The following PCDHGA12 variants were observed in gnomAD, a reference collection of about 807,000 sequenced individuals.
PCDHGA12 encodes the protein protocadherin gamma-A12.
A neutral mutation model predicts 61.1 loss-of-function variants in PCDHGA12; 43 were observed. That is an observed-to-expected ratio of 0.70 (90% confidence interval 0.55 to 0.91). The LOEUF is 0.91. PCDHGA12 is among the 40% of genes least tolerant of loss of function. The pLI, the probability that PCDHGA12 is intolerant of heterozygous loss-of-function variation, is 0.00. For synonymous variants in PCDHGA12, 520 were observed against 542.9 expected (o/e 0.96, Z 0.59); for missense variants, 1,236 against 1,227.7 (o/e 1.01, Z -0.10).
At chr5:141,475,910 G>A in intron 1 of PCDHGA12, 1 of 588,414 alleles carries the variant, frequency 1.7e-6, no homozygotes, top group South Asian at 2.3e-5. Context: ...GTCGGCCAAT[G>A]AAGACGCTGG....
chr5:141,438,627 T>TAC (rs2098030812), intron 1 of PCDHGA12, among the ~76,000 whole-genome samples: 3 of 48,012 alleles, frequency 6.2e-5, no homozygotes, highest in Non-Finnish European at 1.0e-4. Flanking sequence ...TATATATATA[T>TAC]ATATATATAC....
At chr5:141,502,708 A>G (rs1172090234) in intron 2 of PCDHGA12, among the ~76,000 whole-genome samples, 1 of 152,204 alleles carries the variant, frequency 6.6e-6, no homozygotes, top group Non-Finnish European at 1.5e-5. Flanking sequence ...CTGTTTTTAC[A>G]TCAGTGATTA....
chr5:141,456,875 A>C (rs2098894225), intron 1 of PCDHGA12, among the ~76,000 whole-genome samples: 1 of 152,190 alleles, frequency 6.6e-6, no homozygotes, highest in African/African-American at 2.4e-5. Context: ...AGGCAGGAGA[A>C]TCGCTTGAAC....
rs1404533394 is a variant in PCDHGA12, at chr5:141,491,708, G to T, written c.2425-3099G>T. ...CTGCGGGAGCGGAGCCAGGTGAGGG[G>T]CTCGGCGCCGCCCCGGGCGACCCCT... On this transcript the variant is annotated intron_variant, in intron 1 of 3. Transcript: ENST00000252085. The surrounding 1 kb of genome is among the most constrained non-coding windows in gnomAD (Gnocchi z 6.9). 1 of 1,610,132 alleles carries T rather than the reference G, an allele frequency of 6.2e-7. No individual in the cohort carries two copies. Among genetic ancestry groups the T allele is most frequent in the Admixed American group, 1.7e-5 (1 of 59,518 alleles).
chr5:141,488,807 C>G (rs2099679535), intron 1 of PCDHGA12, among the ~76,000 whole-genome samples: 1 of 152,170 alleles, frequency 6.6e-6, no homozygotes, highest in Non-Finnish European at 1.5e-5. Flanking sequence ...TGAGTACCAT[C>G]TGAGCTGTCA....
rs1014896576 is a variant in PCDHGA12, at chr5:141,512,427, C to T, written c.*1254C>T. 6.5e-6 allele frequency: 1 copy of T among 152,788 alleles called. No individual in the cohort carries two copies. Among genetic ancestry groups the T allele is most frequent in the African/African-American group, 2.4e-5 (1 of 41,460 alleles). The allele number at this position is 152,788 out of a possible 1,614,324, so 9.5% of individuals were successfully genotyped here. A position where few individuals can be genotyped will look rare whatever the true frequency, so the allele number is the denominator to read the frequency against. On this transcript the variant is annotated 3_prime_UTR_variant, in exon 4 of 4. Transcript: ENST00000252085. ...GGGCTTCTTCAACAGGGCCCCTGCC[C>T]TCCTGAAGCCTCAGTCCTTCACCTT...
rs762433242 is a variant in PCDHGA12, at chr5:141,476,856, C to A, written c.2425-17951C>A. 2.5e-6 allele frequency: 4 copies of A among 1,613,762 alleles called. No individual in the cohort carries two copies. In the East Asian group the frequency reaches 6.7e-5, roughly 27 times the overall value. ...GACAATGCGCCTGTCTTCAACCAGTCCTTGTACCGGGCGCGCGTCCTGGAG... is the reference window on the plus strand; with the variant it reads ...GACAATGCGCCTGTCTTCAACCAGTACTTGTACCGGGCGCGCGTCCTGGAG... On this transcript the variant is annotated intron_variant, in intron 1 of 3. Coordinates refer to ENST00000252085, the MANE Select transcript of PCDHGA12 (RefSeq NM_003735.3). This position sits in a 1 kb window ranked among gnomAD's most constrained non-coding sequence, Gnocchi z 7.6.
At position 141,432,349 on chromosome 5, in the gene PCDHGA12, G is replaced by T; in HGVS notation, c.1590G>T (p.Val530=). The change falls in exon 1 of 4, where the codon GTG becomes GTT. Residue 530 remains valine, a synonymous_variant. Transcript: ENST00000252085. This position sits in a 1 kb window ranked among gnomAD's most constrained non-coding sequence, Gnocchi z 6.0. Reference sequence around the variant, plus strand: ...ACGAGCAGTTCCGAGACTTGCAAGTGAAAGTGATGGCGCGGGACAACGGGC... The same window carrying T: ...ACGAGCAGTTCCGAGACTTGCAAGTTAAAGTGATGGCGCGGGACAACGGGC... ...FDYEQFRDLQ[V]KVMARDNGHP... 4 of 1,614,240 alleles carry T rather than the reference G, an allele frequency of 2.5e-6. No homozygotes were observed. Among genetic ancestry groups the T allele is most frequent in the Non-Finnish European group, 1.7e-6 (2 of 1,180,046 alleles).
intron 2 of PCDHGA12, among the ~76,000 whole-genome samples, chr5:141,505,119 G>A (rs371973470): frequency 3.1e-4 from 47 of 152,210 alleles, no homozygotes; most frequent in African/African-American, 1.0e-3. Flanking sequence ...CCAAGATCGC[G>A]CCACTGCACT....
chr5:141,486,506 A>C lies in PCDHGA12; in HGVS notation c.2425-8301A>C. The C allele has an allele frequency of 6.2e-7, 1 of 1,614,134 alleles. No individual in the cohort carries two copies. The highest frequency in any genetic ancestry group is 8.5e-7 in the Non-Finnish European group (1 of 1,180,006). Reference sequence around the variant, plus strand: ...TACCCACAGAACTATTTTCCTCAATATTTCAGATGTGAATGATAATCCACC... The same window carrying C: ...TACCCACAGAACTATTTTCCTCAATCTTTCAGATGTGAATGATAATCCACC... On this transcript the variant is annotated intron_variant, in intron 1 of 3. Transcript: ENST00000252085. The surrounding 1 kb of genome is among the most constrained non-coding windows in gnomAD (Gnocchi z 5.0).
At chr5:141,492,382 T>C (rs71583650) in intron 1 of PCDHGA12, among the ~76,000 whole-genome samples, 2,103 of 152,322 alleles carry the variant, frequency 0.014, 36 homozygotes, top group African/African-American at 0.031. Flanking sequence ...ACAGGCCTGT[T>C]CCGGTCCACT....
intron 2 of PCDHGA12, among the ~76,000 whole-genome samples, chr5:141,504,369 A>G (rs968327872): frequency 6.6e-5 from 10 of 152,272 alleles, no homozygotes; most frequent in Non-Finnish European, 1.2e-4. Context: ...AGTAGGAAGC[A>G]GGTGGAGTCG....
At chr5:141,475,146 G>A (rs938308425) in intron 1 of PCDHGA12, among the ~76,000 whole-genome samples, 3 of 152,014 alleles carry the variant, frequency 2.0e-5, no homozygotes, top group African/African-American at 4.8e-5. Context: ...AATCTTCTCC[G>A]TCTTCTTCTT....
At chr5:141,495,591 C>G (rs2099762279) in intron 2 of PCDHGA12, among the ~76,000 whole-genome samples, 3 of 152,222 alleles carry the variant, frequency 2.0e-5, no homozygotes, top group African/African-American at 7.2e-5. Context: ...CCATCTCTGT[C>G]TTAGCTTCCG....
chr5:141,431,697 G>T lies in PCDHGA12; in HGVS notation c.938G>T (p.Gly313Val), dbSNP rs1303639699. 6.2e-7 allele frequency: 1 copy of T among 1,614,206 alleles called. No homozygotes were observed. Among genetic ancestry groups the T allele is most frequent in the Admixed American group, 1.7e-5 (1 of 60,024 alleles). Reference protein sequence around the residue: ...TIGELDHEESGFYQMEVQAMD... With the variant: ...TIGELDHEESVFYQMEVQAMD... ...GGGGAGTTGGACCACGAGGAGTCAG[G>T]ATTCTACCAGATGGAAGTGCAAGCA... The change falls in exon 1 of 4, where the codon GGA becomes GTA. Residue 313 changes from glycine (G) to valine (V), a missense_variant. Transcript: ENST00000252085. This position sits in a 1 kb window ranked among gnomAD's most constrained non-coding sequence, Gnocchi z 4.8.
chr5:141,490,981 C>T lies in PCDHGA12; in HGVS notation c.2425-3826C>T. 19 of 1,614,096 alleles carry T rather than the reference C, an allele frequency of 1.2e-5. No homozygotes were observed. The highest frequency in any genetic ancestry group is 1.5e-5 in the Non-Finnish European group (18 of 1,180,018). Reference sequence around the variant, plus strand: ...ACACTCAGCCCCCCAGCGTCTCCCTCGCTCTGCTCCTCCTGGCTCCTTGGT... The same window carrying T: ...ACACTCAGCCCCCCAGCGTCTCCCTTGCTCTGCTCCTCCTGGCTCCTTGGT... On this transcript the variant is annotated intron_variant, in intron 1 of 3. Transcript: ENST00000252085. The surrounding 1 kb of genome is among the most constrained non-coding windows in gnomAD (Gnocchi z 5.4).
intron 1 of PCDHGA12, chr5:141,492,003 T>G: frequency 1.6e-6 from 1 of 626,972 alleles, no homozygotes; most frequent in Non-Finnish European, 2.6e-6. Context: ...TCGGGCGATT[T>G]CCGCGGGTGT....
intron 2 of PCDHGA12, among the ~76,000 whole-genome samples, chr5:141,495,601 G>A (rs1315613802): frequency 3.3e-5 from 5 of 152,004 alleles, no homozygotes; most frequent in South Asian, 2.1e-4. Context: ...CTTAGCTTCC[G>A]TCTTGATTGC....
chr5:141,438,165 G>GA (rs1252266607), intron 1 of PCDHGA12, among the ~76,000 whole-genome samples: 2 of 152,076 alleles, frequency 1.3e-5, no homozygotes, highest in East Asian at 3.8e-4. Flanking sequence ...AAGCTAATTG[G>GA]AAAAAATATT....
Sources: gnomAD v4.1 joint callset for allele counts (sites outside exome capture counted in the v4.1 genomes callset) on GRCh38, gnomAD v4.1.1 for gene constraint, Gnocchi (gnomAD v3.1) non-coding constraint, MANE v1.5 for transcripts, NCBI Gene and HGNC (gene_info 2026-07-23, HGNC 2026-07-21) for gene names.